The following DOCK5 variants were observed in gnomAD, a reference collection of about 807,000 sequenced individuals.
The protein encoded by DOCK5 is dedicator of cytokinesis 5, also known as dedicator of cytokinesis protein 5.
Under a neutral mutation model 251.8 loss-of-function variants are expected in DOCK5, and 142 were observed. That is an observed-to-expected ratio of 0.56 (90% CI 0.49 to 0.65). DOCK5 has a LOEUF of 0.65. Among genes scored for constraint, DOCK5 ranks in the 30% least tolerant of loss-of-function variants. The pLI, the probability that DOCK5 is intolerant of heterozygous loss-of-function variation, is 0.00. For synonymous variants in DOCK5, 842 were observed against 835.5 expected (o/e 1.01, Z -0.13); for missense variants, 2,111 against 2,312.3 (o/e 0.91, Z 1.79).
intron 43 of DOCK5, among the ~76,000 whole-genome samples, 154 bp downstream of exon 43, chr8:25,392,134 G>A (rs763899115): frequency 3.3e-5 from 5 of 151,884 alleles, no homozygotes; most frequent in African/African-American, 2.4e-5. Context: ...AAACCCCATC[G>A]GTACTAAAAA....
chr8:25,304,632 T>A (rs1804854002), intron 11 of DOCK5: 5 of 289,480 alleles, frequency 1.7e-5, no homozygotes, highest in Non-Finnish European at 2.5e-5. Context: ...AATGCCAAAA[T>A]ATATGTGCAG....
intron 2 of DOCK5, among the ~76,000 whole-genome samples, chr8:25,252,113 C>T (rs1023582856): frequency 3.9e-5 from 6 of 152,048 alleles, no homozygotes; most frequent in South Asian, 4.1e-4. Context: ...TGGTATCTAA[C>T]GTTTTGAGAA....
At chr8:25,289,304 TTTTG>T (rs75671599) in intron 5 of DOCK5, among the ~76,000 whole-genome samples, 7 of 151,388 alleles carry the variant, frequency 4.6e-5, no homozygotes, top group African/African-American at 7.3e-5. Context: ...TTGGGGGGTT[TTTTG>T]TTTGTTTGTT....
chr8:25,407,609 C>T (rs757365747), intron 48 of DOCK5, among the ~76,000 whole-genome samples: 14 of 152,090 alleles, frequency 9.2e-5, no homozygotes, highest in Non-Finnish European at 1.2e-4. Flanking sequence ...TGGTGGCTCA[C>T]GCCTCTAGCC....
chr8:25,219,706 G>GTTT lies in DOCK5; in HGVS notation c.44-23958_44-23956dup, dbSNP rs35000316. On this transcript the variant is annotated intron_variant, in intron 1 of 51. Transcript: ENST00000276440. ...TAGTCTGTTGTCCTCTGGGGTCCGT[G>GTTT]TTTTTTTTTTTTGAGACGTTCACAA... Among the ~76,000 whole-genome samples the GTTT allele has an allele frequency of 6.7e-3, 971 of 145,084 alleles. 9 individuals carry two copies. Among genetic ancestry groups the GTTT allele is most frequent in the African/African-American group, 0.018 (724 of 39,814 alleles).
chr8:25,379,398 C>T (rs1409051815), intron 38 of DOCK5, among the ~76,000 whole-genome samples: 2 of 152,268 alleles, frequency 1.3e-5, no homozygotes, highest in African/African-American at 4.8e-5. Context: ...ATCTCTCCTA[C>T]TTGTACGTCC....
chr8:25,242,264 C>T lies in DOCK5; in HGVS notation c.44-1410C>T, dbSNP rs141588717. ...GCCGGGGGGCACCTTTACAGCCCACCACTGCAGCTCTGAACATTCACATAA... is the reference window on the plus strand; with the variant it reads ...GCCGGGGGGCACCTTTACAGCCCACTACTGCAGCTCTGAACATTCACATAA... On this transcript the variant is annotated intron_variant, in intron 1 of 51. Transcript: ENST00000276440. Among the ~76,000 whole-genome samples the T allele has an allele frequency of 9.0e-3, 1,369 of 152,256 alleles. 20 individuals carry two copies. The highest frequency in any genetic ancestry group is 0.032 in the African/African-American group (1,320 of 41,544).
intron 2 of DOCK5, among the ~76,000 whole-genome samples, chr8:25,246,934 T>A (rs1803133361): frequency 6.6e-6 from 1 of 152,058 alleles, no homozygotes; most frequent in South Asian, 2.1e-4. Flanking sequence ...TCACCCTAGC[T>A]GGAGTACAGT....
chr8:25,280,820 T>C (rs1804170317), intron 5 of DOCK5, among the ~76,000 whole-genome samples: 1 of 152,202 alleles, frequency 6.6e-6, no homozygotes, highest in Non-Finnish European at 1.5e-5. Flanking sequence ...TTGAGAGTAC[T>C]CTCTGGTTCT....
Position 25,282,523 on chromosome 8 carries a change from T to G in DOCK5, c.321+3858T>G, listed in dbSNP as rs1481072635. ...ACTTGTATTATTTCTCTCTTGCATT[T>G]CCCCCTGTAGATTACAACACCAGAC... On this transcript the variant is annotated intron_variant, in intron 5 of 51. Coordinates refer to ENST00000276440, the MANE Select transcript of DOCK5 (RefSeq NM_024940.8). 3.9e-5 allele frequency among the ~76,000 whole-genome samples: 6 copies of G among 152,258 alleles called. No homozygotes were observed. In the South Asian group the frequency reaches 1.2e-3, roughly 32 times the overall value.
chr8:25,378,140 G>A (rs762348418), intron 38 of DOCK5, among the ~76,000 whole-genome samples: 2 of 152,044 alleles, frequency 1.3e-5, no homozygotes, highest in Admixed American at 6.6e-5. Context: ...GGCTGATATC[G>A]CATGGCTCAC....
At chr8:25,364,265 G>A (rs1800738540) in intron 29 of DOCK5, among the ~76,000 whole-genome samples, 1 of 152,146 alleles carries the variant, frequency 6.6e-6, no homozygotes, top group Non-Finnish European at 1.5e-5. Context: ...TCTCTGCTAT[G>A]TACAGATTAG....
chr8:25,292,418 G>A (rs1242909164), intron 6 of DOCK5, among the ~76,000 whole-genome samples: 2 of 152,058 alleles, frequency 1.3e-5, no homozygotes, highest in Non-Finnish European at 2.9e-5. Context: ...GATGGGTCTT[G>A]GACTGAGGCT....
At chr8:25,262,455 G>A (rs1470126696) in intron 2 of DOCK5, among the ~76,000 whole-genome samples, 1 of 152,186 alleles carries the variant, frequency 6.6e-6, no homozygotes, top group Admixed American at 6.5e-5. Context: ...CTGAGCACTT[G>A]GCAACTACTC....
rs116888021 is a variant in DOCK5 at position 25,293,258 on chromosome 8, G to A, written c.470+1086G>A. 2.7e-3 allele frequency among the ~76,000 whole-genome samples: 408 copies of A among 151,960 alleles called. 2 individuals carry two copies. The highest frequency in any genetic ancestry group is 6.8e-3 in the Middle Eastern group (2 of 294). On this transcript the variant is annotated intron_variant, in intron 6 of 51. Transcript: ENST00000276440. ...TCCTCTACCTTGCTTTTCTAGTGTC[G>A]GAATTCTTGGATATCCCTCAGAGAC...
In DOCK5 at chr8:25,360,226, A is replaced by G. The variant is rs75652023; in HGVS notation, c.2949+1165A>G. 7.1e-3 allele frequency among the ~76,000 whole-genome samples: 1,085 copies of G among 152,248 alleles called. 9 individuals are homozygous for G. Among genetic ancestry groups the G allele is most frequent in the African/African-American group, 0.025 (1,037 of 41,526 alleles). Reference sequence around the variant, plus strand: ...ATGCCCACATGGTGGACAAACATACAAGGAATTGGAAGGAAAGTGCTGTTT... The same window carrying G: ...ATGCCCACATGGTGGACAAACATACGAGGAATTGGAAGGAAAGTGCTGTTT... On this transcript the variant is annotated intron_variant, in intron 28 of 51. Coordinates refer to ENST00000276440, the MANE Select transcript of DOCK5 (RefSeq NM_024940.8).
chr8:25,194,736 C>G (rs1801676649), intron 1 of DOCK5, among the ~76,000 whole-genome samples: 1 of 152,184 alleles, frequency 6.6e-6, no homozygotes, highest in Non-Finnish European at 1.5e-5. Context: ...CCCAGAACCG[C>G]ACTTTCCCCA....
At chr8:25,355,247 A>G (rs1010913905) in intron 27 of DOCK5, among the ~76,000 whole-genome samples, 7 of 152,190 alleles carry the variant, frequency 4.6e-5, no homozygotes, top group Non-Finnish European at 1.0e-4. Context: ...TTAGAAAAAA[A>G]AAGGTATTTA....
Position 25,319,594 on chromosome 8 carries a change from G to T in DOCK5, c.1460G>T (p.Gly487Val). ...CATCTGAAGAAAGCAATTCACCCTG[G>T]TGCTGGATATGAAGGCATTTCAGAA... ...GKLLEKAIHP[G>V]AGYEGISEYK... Residue 487 changes from glycine to valine, a missense_variant, in exon 15 of 52, where the codon GGT (glycine) becomes GTT (valine). Gly to Val is a moderately radical substitution (Grantham distance 109, BLOSUM62 -3). Coordinates refer to ENST00000276440, the MANE Select transcript of DOCK5 (RefSeq NM_024940.8). The T allele has an allele frequency of 6.3e-7, 1 of 1,582,524 alleles. No individual in the cohort carries two copies. Among genetic ancestry groups the T allele is most frequent in the Non-Finnish European group, 8.6e-7 (1 of 1,163,572 alleles).
Sources: allele counts gnomAD v4.1 joint callset (sites outside exome capture counted in the v4.1 genomes callset), GRCh38; gene constraint gnomAD v4.1.1; transcripts MANE v1.5; gene names NCBI Gene and HGNC (gene_info 2026-07-23, HGNC 2026-07-21).